Variants in KTN1 observed in about 807,000 individuals in gnomAD.
KTN1 encodes kinectin 1, also known as kinectin.
A neutral mutation model predicts 222.5 loss-of-function variants in KTN1; 130 were observed. That is an observed-to-expected ratio of 0.58 (90% CI 0.51 to 0.68). KTN1 has a LOEUF of 0.68. Ranked by LOEUF, KTN1 falls within the 30% of genes least tolerant of loss-of-function variation. The pLI is 0.00. For synonymous variants in KTN1, 512 were observed against 496.3 expected, an observed-to-expected ratio of 1.03 and a Z score of -0.42; for missense variants, 1,508 against 1,500.4, an observed-to-expected ratio of 1.01 and a Z score of -0.08.
intron 43 of KTN1, chr14:55,682,431 C>G (rs2046455569): frequency 6.6e-6 from 1 of 152,008 alleles, no homozygotes; most frequent in South Asian, 2.1e-4. Flanking sequence ...TCACATTTGC[C>G]TGGTTTCTAA....
rs1474709105 is a variant in KTN1 at position 55,651,876 on chromosome 14, C to G, written c.2566-14C>G. The stretch of plus-strand genomic sequence containing the variant: ...AAGGATTATTAATTGATTTTTCTGT[C>G]CTTTGTATTTCAGTTATCTATCACT... On this transcript the variant is annotated splice_polypyrimidine_tract_variant and intron_variant, in intron 24 of 43. Transcript: ENST00000395314. 1.3e-6 allele frequency: 2 copies of G among 1,527,084 alleles called. No individual in the cohort carries two copies. Among genetic ancestry groups the G allele is most frequent in the Non-Finnish European group, 1.8e-6 (2 of 1,108,148 alleles). 94.6% of individuals were successfully genotyped at this position (1,527,084 alleles called of 1,614,324 possible).
rs368791295 is a variant in KTN1, at chr14:55,612,076, A to G, written c.28A>G (p.Ile10Val). 74 of 1,499,258 alleles carry G rather than the reference A, an allele frequency of 4.9e-5. No homozygotes were observed. Among genetic ancestry groups the G allele is most frequent in the Non-Finnish European group, 6.2e-5 (70 of 1,129,542 alleles). The allele number at this position is 1,499,258 out of a possible 1,614,324, so 92.9% of individuals were successfully genotyped here. ...GGAGTTTTATGAGTCAGCATATTTT[A>G]TTGTTCTTATTCCTTCAATAGTTAT... MEFYESAYF[I>V]VLIPSIVITV... The change falls in exon 2 of 44, where the codon ATT (isoleucine) becomes GTT (valine). Residue 10 changes from isoleucine to valine, a missense_variant. Physicochemically the swap from Ile to Val is conservative, Grantham distance 29. Coordinates refer to ENST00000395314, the MANE Select transcript of KTN1 (RefSeq NM_001079521.2).
intron 1 of KTN1, among the ~76,000 whole-genome samples, chr14:55,595,682 T>C (rs35420484): frequency 0.23 from 35,528 of 152,132 alleles, 4,466 homozygotes; most frequent in East Asian, 0.36. Context: ...TTTTAAATAT[T>C]CTTCAATTTA....
intron 40 of KTN1, chr14:55,674,821 T>A (rs1398521580): frequency 6.6e-6 from 1 of 152,162 alleles, no homozygotes; most frequent in Non-Finnish European, 1.5e-5. Flanking sequence ...TATTTTAATG[T>A]TTGTTTGCTC....
chr14:55,602,449 C>T (rs1371906702), intron 1 of KTN1, among the ~76,000 whole-genome samples: 2 of 152,118 alleles, frequency 1.3e-5, no homozygotes, highest in East Asian at 1.9e-4. Context: ...CATTTAAAGT[C>T]GGCAAATTTA....
chr14:55,591,976 T>C (rs80174205), intron 1 of KTN1, among the ~76,000 whole-genome samples: 9,204 of 152,328 alleles, frequency 0.06, 384 homozygotes, highest in South Asian at 0.09. Context: ...TGGGTTTATC[T>C]TTTTGGGTGG....
chr14:55,629,915 T>C lies in KTN1; in HGVS notation c.1081-42T>C, dbSNP rs755519218. ...ATCATTGTTGCAGGCTTATGATACT[T>C]ATTAAATAACAAGTTTTTAAATTTC... is the stretch of plus-strand genomic sequence containing the variant. On this transcript the variant is annotated intron_variant, in intron 6 of 43. Transcript: ENST00000395314. The C allele has an allele frequency of 2.5e-5, 32 of 1,283,222 alleles. No homozygotes were observed. The Admixed American group carries it at 5.6e-4, about 22-fold the overall frequency. The allele number at this position is 1,283,222 out of a possible 1,614,324, so 79.5% of individuals were successfully genotyped here.
chr14:55,608,890 A>G lies in KTN1; in HGVS notation c.-30-3129A>G, dbSNP rs371826128. On this transcript the variant is annotated intron_variant, in intron 1 of 43. Coordinates refer to ENST00000395314, the MANE Select transcript of KTN1 (RefSeq NM_001079521.2). ...AGTGATCCGCCTGCCTCGGCCTCCCAAAGTGCTGGGATTACAGGCATGAGC... is the reference window on the plus strand; with the variant it reads ...AGTGATCCGCCTGCCTCGGCCTCCCGAAGTGCTGGGATTACAGGCATGAGC... 5.3e-4 allele frequency among the ~76,000 whole-genome samples: 80 copies of G among 152,136 alleles called. 1 individual carries two copies. Among genetic ancestry groups the G allele is most frequent in the African/African-American group, 1.9e-3 (79 of 41,520 alleles).
chr14:55,629,366 C>T (rs751648846), intron 6 of KTN1, among the ~76,000 whole-genome samples: 110 of 143,396 alleles, frequency 7.7e-4, no homozygotes, highest in Non-Finnish European at 1.1e-3. Context: ...TGTAGTGAGC[C>T]GAGATCACGC....
intron 28 of KTN1, among the ~76,000 whole-genome samples, chr14:55,655,065 T>C (rs1360461990): frequency 6.6e-6 from 1 of 152,174 alleles, no homozygotes; most frequent in Non-Finnish European, 1.5e-5. Flanking sequence ...CATGGCTCAC[T>C]GCAGCCAGGA....
intron 2 of KTN1, among the ~76,000 whole-genome samples, chr14:55,613,813 G>C (rs879865494): frequency 1.2e-4 from 18 of 152,088 alleles, no homozygotes; most frequent in Non-Finnish European, 2.4e-4. Context: ...CTAGGATCAA[G>C]GCATAGTAAG....
At chr14:55,654,874 G>A (rs1350532558) in intron 28 of KTN1, among the ~76,000 whole-genome samples, 2 of 151,916 alleles carry the variant, frequency 1.3e-5, no homozygotes, top group Non-Finnish European at 2.9e-5. Flanking sequence ...TCCACATCCC[G>A]GCAGCACCCC....
intron 1 of KTN1, chr14:55,607,576 A>G (rs2036919705): frequency 6.6e-6 from 1 of 152,202 alleles, no homozygotes; most frequent in South Asian, 2.1e-4. Context: ...TGGTTTTAAA[A>G]TAGTTTGGAC....
intron 28 of KTN1, among the ~76,000 whole-genome samples, chr14:55,655,764 A>T (rs889007074): frequency 6.6e-6 from 1 of 152,168 alleles, no homozygotes; most frequent in Non-Finnish European, 1.5e-5. Context: ...TGAAGTGGTA[A>T]TTTTTGCAAC....
chr14:55,671,487 T>C, intron 35 of KTN1, 79 bp from the exon 36 acceptor site: 2 of 925,044 alleles, frequency 2.2e-6, no homozygotes, highest in East Asian at 4.9e-5. Context: ...CATAATACAG[T>C]ATTAAGTACT....
At chr14:55,606,120 A>G (rs148468903) in intron 1 of KTN1, among the ~76,000 whole-genome samples, 19 of 152,210 alleles carry the variant, frequency 1.2e-4, no homozygotes, top group African/African-American at 4.6e-4. Context: ...TTATTTTTAC[A>G]AATAACCTAT....
intron 1 of KTN1, among the ~76,000 whole-genome samples, chr14:55,594,664 A>G (rs917503207): frequency 8.5e-5 from 13 of 152,192 alleles, no homozygotes; most frequent in African/African-American, 3.1e-4. Context: ...GCCTATTTCC[A>G]TTAATTTTAG....
At chr14:55,666,561 A>T (rs1203484802) in intron 33 of KTN1, among the ~76,000 whole-genome samples, 1 of 151,940 alleles carries the variant, frequency 6.6e-6, no homozygotes, top group African/African-American at 2.4e-5. Flanking sequence ...ATATCAGCAC[A>T]TTTAGACTTA....
chr14:55,665,693 TGAAA>T (rs993505245), intron 33 of KTN1, among the ~76,000 whole-genome samples: 6 of 152,138 alleles, frequency 3.9e-5, no homozygotes, highest in Non-Finnish European at 7.4e-5. Flanking sequence ...GAGGAGCTAC[TGAAA>T]GAAACTCTTA....
Sources: allele counts gnomAD v4.1 joint callset (sites outside exome capture counted in the v4.1 genomes callset), GRCh38; gene constraint gnomAD v4.1.1; transcripts MANE v1.5; gene names NCBI Gene and HGNC (gene_info 2026-07-23, HGNC 2026-07-21).